RASL12: variants seen among roughly 807,000 people sequenced by gnomAD.
RASL12 encodes RAS like family 12, also known as ras-like protein family member 12.
Under a neutral mutation model 22.9 loss-of-function variants are expected in RASL12, and 16 were observed. The observed-to-expected ratio is 0.70, with a 90% CI of 0.47 to 1.06. RASL12 has a LOEUF of 1.06. Ranked by LOEUF, RASL12 falls within the 50% of genes least tolerant of loss-of-function variation. RASL12 has a pLI of 0.00. For synonymous variants in RASL12, 159 were observed against 152.2 expected (o/e 1.04, Z -0.33); for missense variants, 306 against 353.1 (o/e 0.87, Z 1.07).
At position 65,054,736 on chromosome 15, in the gene RASL12, C is replaced by T. The variant is rs770604775; in HGVS notation, c.*163G>A. 2.4e-3 allele frequency: 3,475 copies of T among 1,444,694 alleles called. 8 individuals carry two copies. The highest frequency in any genetic ancestry group is 3.1e-3 in the Non-Finnish European group (3,374 of 1,104,200). 89.5% of individuals were successfully genotyped at this position (1,444,694 alleles called of 1,614,324 possible). On this transcript the variant is annotated 3_prime_UTR_variant, in exon 5 of 5. Coordinates refer to ENST00000220062, the MANE Select transcript of RASL12 (RefSeq NM_016563.4). ...GAGGGAACAGAAGCAGCATCCCTGC[C>T]TGCCACTCCAGCTCACACAGTGAAT...
rs1487665912 is a variant in RASL12, at chr15:65,054,463, G to A, written c.*436C>T. ...CCCTGCCTTTCCCGTCCACCAGGTG[G>A]CACAAGGACCCCAGGCTGTCATTCC... On this transcript the variant is annotated 3_prime_UTR_variant, in exon 5 of 5. Transcript: ENST00000220062. The A allele has an allele frequency of 2.0e-6, 2 of 993,942 alleles. No individual in the cohort carries two copies. The highest frequency in any genetic ancestry group is 2.4e-6 in the Non-Finnish European group (2 of 835,690). 61.6% of individuals were successfully genotyped at this position (993,942 alleles called of 1,614,324 possible).
At chr15:65,048,586 T>C (rs1408622525), downstream of RASL12, among the ~76,000 whole-genome samples, 1 of 152,256 alleles carries the variant, frequency 6.6e-6, no homozygotes, top group Non-Finnish European at 1.5e-5. Flanking sequence ...CCCTATGGCA[T>C]GTTTTATAAT....
At chr15:65,050,740 T>C (rs965612453), downstream of RASL12, among the ~76,000 whole-genome samples, 4 of 152,084 alleles carry the variant, frequency 2.6e-5, no homozygotes, top group African/African-American at 9.7e-5. Flanking sequence ...CACATTCAGT[T>C]TAGTCACTTC....
chr15:65,047,440 C>G, the RASL12 span, among the ~76,000 whole-genome samples: 2 of 151,928 alleles, frequency 1.3e-5, no homozygotes, highest in Non-Finnish European at 2.9e-5. Flanking sequence ...GCAGTGTATA[C>G]GCATAAGAAA....
In RASL12 at chr15:65,053,364, A is replaced by C; in HGVS notation, c.*1535T>G. 7.1e-7 allele frequency: 1 copy of C among 1,402,302 alleles called. No individual in the cohort carries two copies. The highest frequency in any genetic ancestry group is 9.2e-7 in the Non-Finnish European group (1 of 1,084,684). 86.9% of individuals were successfully genotyped at this position (1,402,302 alleles called of 1,614,324 possible). On this transcript the variant is annotated 3_prime_UTR_variant, in exon 5 of 5. Coordinates refer to ENST00000220062, the MANE Select transcript of RASL12 (RefSeq NM_016563.4). ...CTGTTATTAAAAAAAATCTTTTATT[A>C]AAATGCTCCTGGAAGGGAGCAGGTG...
Position 65,062,029 on chromosome 15 carries a change from C to T in RASL12, c.161-2611G>A, listed in dbSNP as rs575709958. Among the ~76,000 whole-genome samples the T allele has an allele frequency of 1.1e-4, 16 of 147,194 alleles. No homozygotes were observed. In the East Asian group the frequency reaches 2.4e-3, roughly 22 times the overall value. On this transcript the variant is annotated intron_variant, in intron 2 of 4. Coordinates refer to ENST00000220062, the MANE Select transcript of RASL12 (RefSeq NM_016563.4). The stretch of plus-strand genomic sequence containing the variant: ...CCGGGAGGTGGAGCTTGCAGTGAGC[C>T]GAGATTGCGCCACTGCACTCCAGCC...
At chr15:65,068,056 A>C, upstream of RASL12, 5 of 1,089,836 alleles carry the variant, frequency 4.6e-6, no homozygotes, top group Non-Finnish European at 3.3e-6. This position sits in a 1 kb window ranked among gnomAD's most constrained non-coding sequence, Gnocchi z 4.2. Context: ...GCGCCACCAA[A>C]TTCCTTGTAA....
At chr15:65,049,166 A>C (rs1323908552), downstream of RASL12, 1 of 152,020 alleles carries the variant, frequency 6.6e-6, no homozygotes. Context: ...TTAGTACAAG[A>C]AGACGTCAAA....
At chr15:65,061,553 T>C (rs1025310119) in intron 2 of RASL12, among the ~76,000 whole-genome samples, 5 of 152,204 alleles carry the variant, frequency 3.3e-5, no homozygotes, top group Non-Finnish European at 7.3e-5. Flanking sequence ...AGTCCCTGCC[T>C]CAGAGTACTC....
At chr15:65,076,318 C>T (rs2086968802) in intron 1 of RASL12, among the ~76,000 whole-genome samples, 1 of 152,208 alleles carries the variant, frequency 6.6e-6, no homozygotes, top group African/African-American at 2.4e-5. Context: ...CAGCTTCACT[C>T]CTGAGGCCAG....
At chr15:65,070,783 C>A (rs1566957965), upstream of RASL12, among the ~76,000 whole-genome samples, 1 of 152,196 alleles carries the variant, frequency 6.6e-6, no homozygotes, top group Admixed American at 6.5e-5. Flanking sequence ...TCTGGAGGCA[C>A]AACATGACAA....
chr15:65,065,150 G>T, intron 2 of RASL12, 67 bp downstream of exon 2: 1 of 1,501,832 alleles, frequency 6.7e-7, no homozygotes, highest in Non-Finnish European at 9.2e-7. Context: ...CCACCCACGG[G>T]GTGGGTCCCA....
downstream of RASL12, chr15:65,049,569 G>C (rs992939094): frequency 6.5e-6 from 1 of 153,278 alleles, no homozygotes; most frequent in African/African-American, 2.4e-5. Flanking sequence ...GGCAACGCGT[G>C]GGCGCGCTGT....
intron 2 of RASL12, 104 bp downstream of exon 2, chr15:65,065,113 C>T (rs993174041): frequency 9.1e-7 from 1 of 1,094,112 alleles, no homozygotes; most frequent in Non-Finnish European, 1.3e-6. Flanking sequence ...TCCCTTCTGT[C>T]CCCAGACATG....
the RASL12 span, among the ~76,000 whole-genome samples, chr15:65,047,751 TG>T: frequency 1.3e-5 from 2 of 151,662 alleles, no homozygotes; most frequent in African/African-American, 2.4e-5. Flanking sequence ...TGATTTTAGA[TG>T]GGTAGGTAGG....
At chr15:65,050,830 C>CT (rs1206139825), downstream of RASL12, among the ~76,000 whole-genome samples, 1,040 of 48,120 alleles carry the variant, frequency 0.022, 29 homozygotes, top group African/African-American at 0.053. Flanking sequence ...CTTTCTTCTT[C>CT]TTCTTCTTTT....
chr15:65,051,402 C>T (rs1016328865), downstream of RASL12: 10 of 972,340 alleles, frequency 1.0e-5, no homozygotes, highest in African/African-American at 6.4e-5. Flanking sequence ...AGGGTCTCCA[C>T]GCAAAGGACA....
At chr15:65,069,145 G>T (rs183949491), upstream of RASL12, among the ~76,000 whole-genome samples, 1 of 152,192 alleles carries the variant, frequency 6.6e-6, no homozygotes, top group Non-Finnish European at 1.5e-5. Flanking sequence ...CAGGGCCCAG[G>T]GTCAGAGCTG....
Position 65,053,539 on chromosome 15 carries a change from CT to C in RASL12, c.*1359del. The C allele has an allele frequency of 9.8e-7, 1 of 1,023,580 alleles. No homozygotes were observed. Among genetic ancestry groups the C allele is most frequent in the African/African-American group, 1.7e-5 (1 of 57,900 alleles). 63.4% of individuals were successfully genotyped at this position (1,023,580 alleles called of 1,614,324 possible). On this transcript the variant is annotated 3_prime_UTR_variant, in exon 5 of 5. Coordinates refer to ENST00000220062, the MANE Select transcript of RASL12 (RefSeq NM_016563.4). ...TGGTCTTGAGTAGTTCACAGCCCCC[CT>C]CTGACCTCAGCTCCTCCATTTACAG...
Sources: allele counts gnomAD v4.1 joint callset (sites outside exome capture counted in the v4.1 genomes callset), GRCh38; gene constraint gnomAD v4.1.1; non-coding constraint Gnocchi (gnomAD v3.1); transcripts MANE v1.5; gene names NCBI Gene and HGNC (gene_info 2026-07-23, HGNC 2026-07-21).